Variants in PARD3B observed in about 807,000 individuals in gnomAD.
PARD3B encodes the protein partitioning defective 3 homolog B.
A neutral mutation model predicts 130.2 loss-of-function variants in PARD3B; 103 were observed. The observed-to-expected ratio is 0.79, with a 90% CI of 0.67 to 0.93. The LOEUF is 0.93. PARD3B is among the 40% of genes least tolerant of loss of function. The probability of loss-of-function intolerance (pLI) is 0.00; values close to 1 mark genes in which losing one functional copy is unlikely to be tolerated. For synonymous variants in PARD3B, 583 were observed against 553.2 expected, an observed-to-expected ratio of 1.05 and a Z score of -0.76; for missense variants, 1,609 against 1,499.2, an observed-to-expected ratio of 1.07 and a Z score of -1.21.
intron 15 of PARD3B, among the ~76,000 whole-genome samples, chr2:205,222,586 C>T (rs2038301369): frequency 6.6e-6 from 1 of 152,168 alleles, no homozygotes; most frequent in African/African-American, 2.4e-5. Flanking sequence ...TGAAAACATA[C>T]ATTATAAATA....
At chr2:205,451,899 A>C (rs1031495515) in intron 20 of PARD3B, among the ~76,000 whole-genome samples, 1 of 152,152 alleles carries the variant, frequency 6.6e-6, no homozygotes, top group African/African-American at 2.4e-5. Context: ...TGTGCTATCA[A>C]ATACTAGGTC....
At chr2:204,846,013 CA>C (rs1340919232) in intron 2 of PARD3B, among the ~76,000 whole-genome samples, 1 of 151,582 alleles carries the variant, frequency 6.6e-6, no homozygotes, top group Non-Finnish European at 1.5e-5. Context: ...AATTAATGGT[CA>C]AAGGATTGGT....
intron 4 of PARD3B, among the ~76,000 whole-genome samples, chr2:205,089,209 C>T (rs374342004): frequency 6.8e-6 from 1 of 146,240 alleles, no homozygotes; most frequent in Non-Finnish European, 1.5e-5. Flanking sequence ...TCGCTCTTGT[C>T]CCCTAGGCTG....
chr2:205,043,930 A>G (rs946570233), intron 3 of PARD3B, among the ~76,000 whole-genome samples: 1 of 150,372 alleles, frequency 6.7e-6, no homozygotes, highest in Admixed American at 6.6e-5. Context: ...AGCATTAGGT[A>G]TATCTCCCAA....
At chr2:205,237,736 T>C (rs538444112) in intron 15 of PARD3B, among the ~76,000 whole-genome samples, 105 of 152,294 alleles carry the variant, frequency 6.9e-4, no homozygotes, top group African/African-American at 2.4e-3. Context: ...TGGTCAGTTA[T>C]ATATAACCGA....
chr2:205,134,359 CAA>C (rs56722764), intron 10 of PARD3B, among the ~76,000 whole-genome samples: 1 of 137,120 alleles, frequency 7.3e-6, no homozygotes. Context: ...CCCATCTCTA[CAA>C]AAAAAAAAAA....
chr2:204,957,465 G>A (rs1690359024), intron 2 of PARD3B, among the ~76,000 whole-genome samples: 1 of 152,070 alleles, frequency 6.6e-6, no homozygotes, highest in Non-Finnish European at 1.5e-5. Flanking sequence ...TTTTCAGTTT[G>A]GGGAGGAAAT....
At chr2:205,192,970 A>G (rs1265680880) in intron 14 of PARD3B, among the ~76,000 whole-genome samples, 1 of 152,210 alleles carries the variant, frequency 6.6e-6, no homozygotes. Flanking sequence ...AGTGAAGAGT[A>G]AAACACGATA....
chr2:205,008,069 A>T (rs957333825), intron 3 of PARD3B, among the ~76,000 whole-genome samples: 1 of 152,162 alleles, frequency 6.6e-6, no homozygotes, highest in African/African-American at 2.4e-5. Context: ...AAAAACAAAA[A>T]CTAAAAGAAG....
chr2:205,050,913 G>T (rs1699145723), intron 4 of PARD3B, among the ~76,000 whole-genome samples: 1 of 152,064 alleles, frequency 6.6e-6, no homozygotes, highest in Non-Finnish European at 1.5e-5. Flanking sequence ...GGGCAGTCCT[G>T]GTTAGTGCCC....
At position 204,884,130 on chromosome 2, in the gene PARD3B, A is replaced by G. The variant is rs573406683; in HGVS notation, c.223-81022A>G. Among the ~76,000 whole-genome samples the G allele has an allele frequency of 1.1e-3, 173 of 152,310 alleles. 1 individual carries two copies. The highest frequency in any genetic ancestry group is 3.9e-3 in the African/African-American group (162 of 41,558). ...GTGAGGCTTCTTCACCTTAGGGAGT[A>G]GCAGAAAGATGATATCTGAGAGCCC... is the stretch of plus-strand genomic sequence containing the variant. On this transcript the variant is annotated intron_variant, in intron 2 of 22. Transcript: ENST00000406610.
At chr2:205,178,220 A>AC (rs1553632789) in intron 13 of PARD3B, among the ~76,000 whole-genome samples, 1 of 68,714 alleles carries the variant, frequency 1.5e-5, no homozygotes, top group African/African-American at 4.8e-5. Flanking sequence ...CCCAGCTACT[A>AC]TGGGGGGGGA....
chr2:204,903,921 A>G (rs1051812940), intron 2 of PARD3B, among the ~76,000 whole-genome samples: 2 of 152,168 alleles, frequency 1.3e-5, no homozygotes, highest in Non-Finnish European at 2.9e-5. Flanking sequence ...CTGTCAATGT[A>G]TAATTATCTG....
chr2:205,294,532 C>T (rs2041720679), intron 16 of PARD3B, among the ~76,000 whole-genome samples: 1 of 152,104 alleles, frequency 6.6e-6, no homozygotes, highest in African/African-American at 2.4e-5. Context: ...AACATTTGAA[C>T]ACACTTGAAG....
chr2:205,431,265 T>C (rs991317304), intron 19 of PARD3B, among the ~76,000 whole-genome samples: 11 of 151,898 alleles, frequency 7.2e-5, no homozygotes, highest in Admixed American at 6.6e-4. Context: ...TTAGTAGAGA[T>C]GGGGTTTCAC....
intron 4 of PARD3B, among the ~76,000 whole-genome samples, chr2:205,102,221 G>A (rs1702835210): frequency 1.3e-5 from 2 of 152,000 alleles, no homozygotes; most frequent in Non-Finnish European, 2.9e-5. Flanking sequence ...AATTTATTAA[G>A]TTGTGGGATA....
intron 14 of PARD3B, among the ~76,000 whole-genome samples, chr2:205,186,527 C>T (rs576035871): frequency 6.6e-6 from 1 of 152,190 alleles, no homozygotes; most frequent in Admixed American, 6.5e-5. Flanking sequence ...CTGTTAGAAA[C>T]TGTGTATTTT....
At chr2:204,652,710 GA>G (rs1454361885) in intron 1 of PARD3B, among the ~76,000 whole-genome samples, 2 of 152,144 alleles carry the variant, frequency 1.3e-5, no homozygotes, top group African/African-American at 4.8e-5. Flanking sequence ...CTGCTATAAA[GA>G]ACTACCTGAG....
intron 19 of PARD3B, among the ~76,000 whole-genome samples, chr2:205,403,516 G>GA (rs141265560): frequency 0.069 from 10,248 of 148,336 alleles, 1,027 homozygotes; most frequent in African/African-American, 0.23. Flanking sequence ...AAAGAGGCAG[G>GA]AAAAAAAAAA....
Sources: allele counts gnomAD v4.1 joint callset (sites outside exome capture counted in the v4.1 genomes callset), GRCh38; gene constraint gnomAD v4.1.1; transcripts MANE v1.5; gene names NCBI Gene and HGNC (gene_info 2026-07-23, HGNC 2026-07-21).